ZFHX3: variants seen among roughly 807,000 people sequenced by gnomAD.
ZFHX3 encodes the protein zinc finger homeobox 3.
ZFHX3 carries 42 observed loss-of-function variants against 279.1 expected under a neutral mutation model. The observed-to-expected ratio is 0.15, with a 90% CI of 0.12 to 0.19. The LOEUF is 0.19. ZFHX3 is among the 10% of genes least tolerant of loss of function. The pLI is 1.00. For synonymous variants in ZFHX3, 2,293 were observed against 1,957.8 expected (o/e 1.17, Z -4.52); for missense variants, 4,981 against 4,754.0 (o/e 1.05, Z -1.40).
At position 73,588,483 on chromosome 16, in the gene ZFHX3, G is replaced by A. The variant is rs148464001; in HGVS notation, c.-1547+91697C>T. On this transcript the variant is annotated intron_variant, in intron 2 of 17. Coordinates refer to the ZFHX3 transcript ENST00000641206. The stretch of plus-strand genomic sequence containing the variant: ...AGGTGGATCACAAGGCCAGGAGATC[G>A]AGACCATCCTGGCTAACACGGTGAA... 3.1e-3 allele frequency among the ~76,000 whole-genome samples: 472 copies of A among 151,800 alleles called. 3 individuals are homozygous for A. The highest frequency in any genetic ancestry group is 5.2e-3 in the Non-Finnish European group (350 of 67,930).
At chr16:73,753,663 T>G (rs1289766542) in intron 1 of ZFHX3, among the ~76,000 whole-genome samples, 13 of 152,186 alleles carry the variant, frequency 8.5e-5, no homozygotes, top group Admixed American at 8.5e-4. Flanking sequence ...CAGCTCACCC[T>G]CAAATGCTTT....
At chr16:73,106,836 T>G (rs955482649) in intron 7 of ZFHX3, among the ~76,000 whole-genome samples, 5 of 152,204 alleles carry the variant, frequency 3.3e-5, no homozygotes, top group Non-Finnish European at 5.9e-5. Context: ...GGTGTCCTCG[T>G]GTGACAGTTA....
At chr16:73,318,175 TGCAAAA>T (rs1241963971) in intron 4 of ZFHX3, 1 of 152,004 alleles carries the variant, frequency 6.6e-6, no homozygotes, top group East Asian at 1.9e-4. Flanking sequence ...GGTGAAAAGT[TGCAAAA>T]ACAAAACAAA....
At chr16:73,554,896 C>T (rs965936884) in intron 2 of ZFHX3, 1 of 152,186 alleles carries the variant, frequency 6.6e-6, no homozygotes, top group Admixed American at 6.5e-5. Context: ...CCTGACCTTC[C>T]TCAGTGTCTC....
chr16:73,729,041 C>G (rs558385019), intron 1 of ZFHX3, among the ~76,000 whole-genome samples: 1 of 152,258 alleles, frequency 6.6e-6, no homozygotes, highest in East Asian at 1.9e-4. Context: ...CTGGGAATGA[C>G]TGTCAATTAA....
intron 1 of ZFHX3, among the ~76,000 whole-genome samples, chr16:72,988,605 T>C (rs4541098): frequency 0.54 from 82,437 of 151,586 alleles, 22,730 homozygotes; most frequent in East Asian, 0.6. Flanking sequence ...GGAATTCAAT[T>C]GCACTAACTG....
intron 2 of ZFHX3, among the ~76,000 whole-genome samples, chr16:73,464,654 C>T (rs1458291230): frequency 6.6e-6 from 1 of 151,892 alleles, no homozygotes; most frequent in Non-Finnish European, 1.5e-5. Context: ...AGGAGAGCTT[C>T]AATTTTACTA....
chr16:73,719,558 T>A (rs2053453065), intron 1 of ZFHX3, among the ~76,000 whole-genome samples: 1 of 152,214 alleles, frequency 6.6e-6, no homozygotes, highest in Admixed American at 6.5e-5. Flanking sequence ...CCAAGAATGA[T>A]GGAAAATAAC....
intron 3 of ZFHX3, among the ~76,000 whole-genome samples, chr16:73,321,915 C>T (rs947163367): frequency 6.6e-6 from 1 of 152,190 alleles, no homozygotes. Flanking sequence ...CTTTCCATGA[C>T]AGCTGCACTC....
intron 7 of ZFHX3, among the ~76,000 whole-genome samples, chr16:72,803,217 A>G (rs2036164205): frequency 6.6e-6 from 1 of 152,132 alleles, no homozygotes; most frequent in African/African-American, 2.4e-5. Context: ...CTGTAGTCCC[A>G]GTTACTCGGG....
At chr16:73,419,141 T>G (rs940431314) in intron 3 of ZFHX3, among the ~76,000 whole-genome samples, 1 of 152,202 alleles carries the variant, frequency 6.6e-6, no homozygotes, top group Admixed American at 6.5e-5. Context: ...CTGTGTTCTG[T>G]ACAAGCAAGA....
At chr16:73,346,532 T>C (rs1323217970) in intron 3 of ZFHX3, among the ~76,000 whole-genome samples, 7 of 152,116 alleles carry the variant, frequency 4.6e-5, no homozygotes, top group Non-Finnish European at 1.0e-4. Flanking sequence ...AGTGCAGAGG[T>C]GCGATCTCGG....
intron 7 of ZFHX3, chr16:73,125,120 C>G (rs1966546895): frequency 6.6e-6 from 1 of 151,792 alleles, no homozygotes; most frequent in African/African-American, 2.4e-5. Context: ...TACCTAGCAC[C>G]CAGTCACTGT....
Position 73,717,084 on chromosome 16 carries a change from A to C in ZFHX3, c.-1607-36844T>G, listed in dbSNP as rs542760153. On this transcript the variant is annotated intron_variant, in intron 1 of 17. Coordinates refer to the ZFHX3 transcript ENST00000641206. ...AAAGGAAATTTGCAGTATCTCAAGA[A>C]GAAAACCAGATGAAAGACAGAGATG... Among the ~76,000 whole-genome samples, 3 of 152,206 alleles carry C rather than the reference A, an allele frequency of 2.0e-5. No individual in the cohort carries two copies. In the South Asian group the frequency reaches 6.2e-4, roughly 31 times the overall value.
intron 7 of ZFHX3, among the ~76,000 whole-genome samples, chr16:73,109,549 C>T (rs2144797131): frequency 1.4e-5 from 2 of 145,212 alleles, no homozygotes; most frequent in Middle Eastern, 7.3e-3. Flanking sequence ...ACTCGTGAAG[C>T]ATTCCGTATT....
intron 5 of ZFHX3, among the ~76,000 whole-genome samples, chr16:73,247,006 G>C (rs2013300775): frequency 6.6e-6 from 1 of 152,186 alleles, no homozygotes; most frequent in African/African-American, 2.4e-5. Context: ...ACACGTCTGT[G>C]TGCCTATATG....
chr16:73,187,796 A>T (rs74028081), intron 5 of ZFHX3, among the ~76,000 whole-genome samples: 3,808 of 152,274 alleles, frequency 0.025, 62 homozygotes, highest in Middle Eastern at 0.044. Context: ...TCTACATTGG[A>T]CAAAGCACTC....
chr16:73,187,692 C>G (rs1318478635), intron 5 of ZFHX3, among the ~76,000 whole-genome samples: 1 of 152,152 alleles, frequency 6.6e-6, no homozygotes, highest in Non-Finnish European at 1.5e-5. Context: ...CTTTGGATGA[C>G]AGCGATTTGC....
At chr16:73,628,912 C>T (rs2052442501) in intron 2 of ZFHX3, among the ~76,000 whole-genome samples, 1 of 152,090 alleles carries the variant, frequency 6.6e-6, no homozygotes, top group Non-Finnish European at 1.5e-5. Flanking sequence ...CCCAGTCCTG[C>T]AGATATATGA....
Sources: allele counts gnomAD v4.1 joint callset (sites outside exome capture counted in the v4.1 genomes callset), GRCh38; gene constraint gnomAD v4.1.1; transcripts MANE v1.5; gene names NCBI Gene and HGNC (gene_info 2026-07-23, HGNC 2026-07-21).